The following ABCA6 variants were observed in gnomAD, a reference collection of about 807,000 sequenced individuals.
The protein encoded by ABCA6 is ATP-binding cassette sub-family A member 6.
A neutral mutation model predicts 191.2 loss-of-function variants in ABCA6; 164 were observed. The ratio of observed to expected loss-of-function variants is 0.86; its 90% CI spans 0.76 to 0.98. The LOEUF (loss-of-function observed/expected upper bound fraction) is 0.98, where lower values mean the gene tolerates loss of function less well. Among genes scored for constraint, ABCA6 ranks in the 50% least tolerant of loss-of-function variants. The probability of loss-of-function intolerance (pLI) is 0.00; values close to 1 mark genes in which losing one functional copy is unlikely to be tolerated. For synonymous variants in ABCA6, 636 were observed against 647.7 expected (o/e 0.98, Z 0.27); for missense variants, 1,958 against 1,894.1 (o/e 1.03, Z -0.63).
intron 11 of ABCA6, 104 bp downstream of exon 11, chr17:69,117,793 TC>T: frequency 1.3e-6 from 1 of 758,858 alleles, no homozygotes; most frequent in Non-Finnish European, 2.2e-6. Flanking sequence ...TATTCTTTTT[TC>T]TTTTGCTTAT....
chr17:69,078,923 TA>T lies in ABCA6; in HGVS notation c.*49del. 1 of 1,104,164 alleles carries T rather than the reference TA, an allele frequency of 9.1e-7. No individual in the cohort carries two copies. The highest frequency in any genetic ancestry group is 1.3e-6 in the Non-Finnish European group (1 of 768,586). 68.4% of individuals were successfully genotyped at this position (1,104,164 alleles called of 1,614,324 possible). A position where few individuals can be genotyped will look rare whatever the true frequency, so the allele number is the denominator to read the frequency against. ...ATTAAACATACTATTAATTATTACA[TA>T]AAACATGAGTTTATAGGAGATCAAC... On this transcript the variant is annotated 3_prime_UTR_variant, in exon 39 of 39. Coordinates refer to ENST00000284425, the MANE Select transcript of ABCA6 (RefSeq NM_080284.3).
At chr17:69,108,070 G>A (rs2073343563) in intron 17 of ABCA6, 1 of 386,538 alleles carries the variant, frequency 2.6e-6, no homozygotes, top group Non-Finnish European at 4.6e-6. Context: ...AGATTTCTCT[G>A]CAGAAATCTG....
At position 69,079,042 on chromosome 17, in the gene ABCA6, T is replaced by C; in HGVS notation, c.4785A>G (p.Val1595=). 1 of 1,612,534 alleles carries C rather than the reference T, an allele frequency of 6.2e-7. No homozygotes were observed. The part of the protein sequence containing the change: ...VFLELSKEQE[V]GNFDEEIDTT... ...TATCAATTTCTTCATCAAAATTTCC[T>C]ACTTCCTGTTCTTTAGAAAGCTCTA... The change falls in exon 39 of 39, where the codon GTA becomes GTG. Residue 1595 remains valine, a synonymous_variant. Transcript: ENST00000284425.
chr17:69,083,100 G>T, intron 35 of ABCA6, 87 bp from the exon 36 acceptor site: 1 of 1,581,286 alleles, frequency 6.3e-7, no homozygotes, highest in Non-Finnish European at 8.6e-7. Context: ...AGAAGAAAAG[G>T]TGTCACCAAG....
chr17:69,098,850 G>A (rs2073111939), intron 22 of ABCA6, among the ~76,000 whole-genome samples: 1 of 151,954 alleles, frequency 6.6e-6, no homozygotes, highest in African/African-American at 2.4e-5. Flanking sequence ...TCCGCAAGAC[G>A]GCAAAGTTCT....
intron 17 of ABCA6, 154 bp from the exon 18 acceptor site, chr17:69,107,966 T>G: frequency 1.8e-6 from 1 of 561,808 alleles, no homozygotes; most frequent in South Asian, 2.3e-5. Context: ...TTCATGAGAA[T>G]GCTCTCCTTC....
At chr17:69,118,051 C>CTTATTTCA in intron 10 of ABCA6, 95 bp from the exon 11 acceptor site, 1 of 782,266 alleles carries the variant, frequency 1.3e-6, no homozygotes, top group Non-Finnish European at 2.1e-6. Flanking sequence ...CTGCAGCCAA[C>CTTATTTCA]CACTTTATGT....
rs9282553 is a variant in ABCA6 at position 69,112,221 on chromosome 17, C to G, written c.2094G>C (p.Met698Ile). The change falls in exon 16 of 39, where the codon ATG becomes ATC. Residue 698 changes from methionine to isoleucine, a missense_variant. By Grantham distance (10) the Met-to-Ile change is conservative. Transcript: ENST00000284425. ...NGRLKCAGSS[M>I]FLKRRWGLGY... Reference sequence around the variant, plus strand: ...CAAGACCCCACCTTCTTTTCAAAAACATAGAAGAACCTGCACACTTCAGTC... The same window carrying G: ...CAAGACCCCACCTTCTTTTCAAAAAGATAGAAGAACCTGCACACTTCAGTC... The G allele has an allele frequency of 0.081, 130,087 of 1,610,942 alleles. 10,904 individuals are homozygous for G. The highest frequency in any genetic ancestry group is 0.42 in the African/African-American group (31,261 of 74,520).
intron 26 of ABCA6, among the ~76,000 whole-genome samples, chr17:69,090,058 T>C (rs1474822615): frequency 1.3e-5 from 2 of 152,200 alleles, no homozygotes; most frequent in African/African-American, 4.8e-5. Flanking sequence ...ATTCCTCCTA[T>C]ATAATACATG....
In ABCA6 at chr17:69,085,171, T is replaced by C; in HGVS notation, c.4041A>G (p.Lys1347=). The part of the protein sequence containing the change: ...TKPTAGEVEL[K]GCSSVLGHLG... ...GGTGGCCCAAAACTGAACTGCAGCC[T>C]TTCAGTTCCACCTAAAAAAATAAAA... The change falls in exon 32 of 39, where the codon AAA becomes AAG. Residue 1347 remains lysine (K), a synonymous_variant. Coordinates refer to ENST00000284425, the MANE Select transcript of ABCA6 (RefSeq NM_080284.3). The C allele has an allele frequency of 6.2e-7, 1 of 1,608,244 alleles. No individual in the cohort carries two copies. The highest frequency in any genetic ancestry group is 8.5e-7 in the Non-Finnish European group (1 of 1,177,694).
At chr17:69,123,187 T>C (rs1598048858) in intron 10 of ABCA6, 52 bp downstream of exon 10, 21 of 1,194,474 alleles carry the variant, frequency 1.8e-5, no homozygotes, top group Non-Finnish European at 2.2e-5. Flanking sequence ...AAAATAATAA[T>C]AATTCTTCAG....
intron 10 of ABCA6, among the ~76,000 whole-genome samples, chr17:69,121,965 G>T (rs193268909): frequency 5.1e-4 from 78 of 152,108 alleles, no homozygotes; most frequent in African/African-American, 1.7e-3. Context: ...TTAAGAACTA[G>T]ATGGAGGAAG....
Position 69,129,624 on chromosome 17 carries a change from A to T in ABCA6, c.919T>A (p.Tyr307Asn). Residue 307 changes from tyrosine (Y) to asparagine (N), a missense_variant, in exon 7 of 39, where the codon TAT becomes AAT. By Grantham distance (143) the Tyr-to-Asn change is moderately radical (BLOSUM62 -2). Transcript: ENST00000284425. ...FMVIFILFFL[Y>N]GLSLVALVFL... ...TATCAACTTACCAAAGATAAGCCAT[A>T]TAAAAAAAAGAGTATAAATATGACC... 1.9e-6 allele frequency: 3 copies of T among 1,594,300 alleles called. No homozygotes were observed. Among genetic ancestry groups the T allele is most frequent in the Middle Eastern group, 1.7e-4 (1 of 5,980 alleles).
In ABCA6 at chr17:69,110,955, A is replaced by G; in HGVS notation, c.2133-15T>C. 1 of 1,577,176 alleles carries G rather than the reference A, an allele frequency of 6.3e-7. No homozygotes were observed. The highest frequency in any genetic ancestry group is 8.6e-7 in the Non-Finnish European group (1 of 1,165,612). ...TCCTATGTAAACTAATATTTAAAAG[A>G]AAAGATAAGTCATTTGCATTTTCTC... On this transcript the variant is annotated splice_polypyrimidine_tract_variant and intron_variant, in intron 16 of 38. Transcript: ENST00000284425.
At chr17:69,114,096 T>C (rs1052399709) in intron 13 of ABCA6, among the ~76,000 whole-genome samples, 5 of 152,106 alleles carry the variant, frequency 3.3e-5, no homozygotes, top group Non-Finnish European at 2.9e-5. Context: ...ATCATGCTGC[T>C]ATAAAGACAC....
chr17:69,107,539 C>A (rs1043885795), intron 18 of ABCA6, among the ~76,000 whole-genome samples, 157 bp downstream of exon 18: 5 of 152,018 alleles, frequency 3.3e-5, no homozygotes, highest in African/African-American at 4.8e-5. Flanking sequence ...TTAGTAATGA[C>A]GCTAAGAAAT....
intron 2 of ABCA6, among the ~76,000 whole-genome samples, chr17:69,139,071 G>T (rs1480819134): frequency 6.6e-6 from 1 of 152,110 alleles, no homozygotes; most frequent in Non-Finnish European, 1.5e-5. Context: ...AAAAGCAATG[G>T]CAACAAAAGC....
chr17:69,101,293 A>G (rs560911699), intron 21 of ABCA6, among the ~76,000 whole-genome samples: 1 of 152,308 alleles, frequency 6.6e-6, no homozygotes, highest in South Asian at 2.1e-4. Flanking sequence ...CTGTCAGTTT[A>G]TGATGAAGAA....
rs2073479437 is a variant in ABCA6 at position 69,113,709 on chromosome 17, A to T, written c.1811T>A (p.Met604Lys). 1.9e-6 allele frequency: 3 copies of T among 1,612,628 alleles called. No homozygotes were observed. The highest frequency in any genetic ancestry group is 2.7e-5 in the African/African-American group (2 of 74,962). ...EVQRILLELD[M>K]QNIQDNLAKH... The stretch of plus-strand genomic sequence containing the variant: ...AGCAAGGTTATCTTGAATGTTTTGC[A>T]TGTCCAATTCCAATAATATTCGTTG... The change falls in exon 14 of 39, where the codon ATG becomes AAG. Residue 604 changes from methionine to lysine, a missense_variant. Transcript: ENST00000284425.
Sources: allele counts gnomAD v4.1 joint callset (sites outside exome capture counted in the v4.1 genomes callset), GRCh38; gene constraint gnomAD v4.1.1; transcripts MANE v1.5; gene names NCBI Gene and HGNC (gene_info 2026-07-23, HGNC 2026-07-21).